The following SACS variants were observed in gnomAD, a reference collection of about 807,000 sequenced individuals.
SACS encodes the protein sacsin.
SACS carries 197 observed loss-of-function variants against 348.0 expected under a neutral mutation model. That is an observed-to-expected ratio of 0.57 (90% CI 0.50 to 0.64). The LOEUF (loss-of-function observed/expected upper bound fraction) is 0.64, where lower values mean the gene tolerates loss of function less well. Among genes scored for constraint, SACS ranks in the 30% least tolerant of loss-of-function variants. The probability of loss-of-function intolerance (pLI) is 0.00; values close to 1 mark genes in which losing one functional copy is unlikely to be tolerated. For synonymous variants in SACS, 1,985 were observed against 1,910.6 expected, an observed-to-expected ratio of 1.04 and a Z score of -1.02; for missense variants, 4,999 against 5,360.8, an observed-to-expected ratio of 0.93 and a Z score of 2.11.
Position 23,340,013 on chromosome 13 carries a change from G to T in SACS, c.3863C>A (p.Ala1288Asp). Reference protein sequence around the residue: ...VWTGKKFCPLAQAVIKPIHDL... With the variant: ...VWTGKKFCPLDQAVIKPIHDL... ...ATGGATTGGTTTAATCACAGCCTGG[G>T]CAAGTGGACAAAACTTTTTGCCAGT... The change falls in exon 10 of 10, where the codon GCC becomes GAC. Residue 1288 changes from alanine (A) to aspartate (D), a missense_variant. Physicochemically the swap from Ala to Asp is moderately radical, Grantham distance 126. Around this residue, in one of 6 missense-constraint regions of SACS, gnomAD observed 3,156 missense variants for 3,380.1 expected, o/e 0.93. Coordinates refer to ENST00000382292, the MANE Select transcript of SACS (RefSeq NM_014363.6). The T allele has an allele frequency of 6.2e-7, 1 of 1,613,606 alleles. No individual in the cohort carries two copies.
Position 23,341,669 on chromosome 13 carries a change from T to C in SACS, c.2207A>G (p.Gln736Arg). ...QTRGRPCTQL[Q>R]LLNPERFARL... ...TGCAAATCGTTCTGGATTTAGAAGC[T>C]GCAGCTGAGTACATGGTCTTCCTGT... The change falls in exon 10 of 10, where the codon CAG (glutamine) becomes CGG (arginine). Residue 736 changes from glutamine (Q) to arginine (R), a missense_variant. Gln to Arg is a conservative substitution (Grantham distance 43). This residue lies in a region of SACS where 3,156 missense variants were observed against 3,380.1 expected (regional missense o/e 0.93). Transcript: ENST00000382292. 6.2e-7 allele frequency: 1 copy of C among 1,613,016 alleles called. No individual in the cohort carries two copies. Among genetic ancestry groups the C allele is most frequent in the Non-Finnish European group, 8.5e-7 (1 of 1,179,910 alleles).
intron 5 of SACS, among the ~76,000 whole-genome samples, chr13:23,367,476 C>A (rs1307961070): frequency 6.6e-6 from 1 of 152,232 alleles, no homozygotes; most frequent in Non-Finnish European, 1.5e-5. Flanking sequence ...AAATGCATAA[C>A]AACTGGTCTA....
At chr13:23,349,616 C>G (rs1290222602) in intron 9 of SACS, among the ~76,000 whole-genome samples, 1 of 152,204 alleles carries the variant, frequency 6.6e-6, no homozygotes, top group East Asian at 1.9e-4. Flanking sequence ...AACTTGGATA[C>G]AACTCAACTG....
At chr13:23,416,579 G>T (rs1873700401) in intron 1 of SACS, among the ~76,000 whole-genome samples, 1 of 151,854 alleles carries the variant, frequency 6.6e-6, no homozygotes, top group Non-Finnish European at 1.5e-5. Flanking sequence ...CCAACTTGGT[G>T]AAACCCCGTC....
chr13:23,340,070 G>C lies in SACS; in HGVS notation c.3806C>G (p.Ser1269Cys), dbSNP rs770042555. ...MHDHLNEGKD[S>C]FRALKFPWVW... is the part of the protein sequence containing the mutation. ...CCATGGAAATTTTAAGGCTCTAAAA[G>C]AATCTTTCCCTTCATTTAGATGATC... Residue 1269 changes from serine to cysteine, a missense_variant, in exon 10 of 10, where the codon TCT (serine) becomes TGT (cysteine). Around this residue, in one of 6 missense-constraint regions of SACS, gnomAD observed 3,156 missense variants for 3,380.1 expected, o/e 0.93. Transcript: ENST00000382292. 5 of 1,614,010 alleles carry C rather than the reference G, an allele frequency of 3.1e-6. No individual in the cohort carries two copies. Among genetic ancestry groups the C allele is most frequent in the Non-Finnish European group, 4.2e-6 (5 of 1,179,986 alleles).
rs1156566314 is a variant in SACS at position 23,332,937 on chromosome 13, C to T, written c.10939G>A (p.Glu3647Lys). The change falls in exon 10 of 10, where the codon GAA becomes AAA. Residue 3647 changes from glutamate to lysine, a missense_variant. By Grantham distance (56) the Glu-to-Lys change is moderately conservative. This residue lies in a region of SACS where 831 missense variants were observed against 941.8 expected (regional missense o/e 0.88). Coordinates refer to ENST00000382292, the MANE Select transcript of SACS (RefSeq NM_014363.6). The part of the protein sequence containing the change: ...MDLLSGNFLK[E>K]LSLIPFLCPE... ...CATAAGAATGGTATTAAAGATAGTT[C>T]TTTCAGAAAATTTCCAGATAACAAA... 6.2e-7 allele frequency: 1 copy of T among 1,613,752 alleles called. No individual in the cohort carries two copies. Among genetic ancestry groups the T allele is most frequent in the Non-Finnish European group, 8.5e-7 (1 of 1,179,896 alleles).
At chr13:23,431,364 C>T (rs1440930423) in intron 1 of SACS, among the ~76,000 whole-genome samples, 3 of 152,308 alleles carry the variant, frequency 2.0e-5, no homozygotes, top group Non-Finnish European at 2.9e-5. Flanking sequence ...TATGTTCCCC[C>T]TTAGGTAGGG....
Position 23,377,405 on chromosome 13 carries a change from G to A in SACS, c.21-2136C>T, listed in dbSNP as rs193069656. Among the ~76,000 whole-genome samples, 4 of 152,252 alleles carry A rather than the reference G, an allele frequency of 2.6e-5. No individual in the cohort carries two copies. In the East Asian group the frequency reaches 5.8e-4, roughly 22 times the overall value. On this transcript the variant is annotated intron_variant, in intron 2 of 9. Coordinates refer to ENST00000382292, the MANE Select transcript of SACS (RefSeq NM_014363.6). ...TGGAATGAAAAACCTCGGTTTTTCC[G>A]TGGAGCCTGGTGGTTGGTTTGTTCA... is the stretch of plus-strand genomic sequence containing the variant.
At chr13:23,398,027 G>T (rs1872776672) in intron 2 of SACS, among the ~76,000 whole-genome samples, 1 of 147,338 alleles carries the variant, frequency 6.8e-6, no homozygotes, top group South Asian at 2.2e-4. Flanking sequence ...CCCTGTCTCT[G>T]CCAAAAATAT....
At position 23,407,889 on chromosome 13, in the gene SACS, C is replaced by T. The variant is rs1034583338; in HGVS notation, c.20+3331G>A. Among the ~76,000 whole-genome samples, 11 of 152,112 alleles carry T rather than the reference C, an allele frequency of 7.2e-5. No homozygotes were observed. In the South Asian group the frequency reaches 2.1e-3, roughly 29 times the overall value. ...GATTCCTCAACCCCACCTTGATAGCCGATCATTGTTTCAAGTCAGTTCAGC... is the reference window on the plus strand; with the variant it reads ...GATTCCTCAACCCCACCTTGATAGCTGATCATTGTTTCAAGTCAGTTCAGC... On this transcript the variant is annotated intron_variant, in intron 2 of 9. Coordinates refer to ENST00000382292, the MANE Select transcript of SACS (RefSeq NM_014363.6).
intron 1 of SACS, among the ~76,000 whole-genome samples, chr13:23,412,579 A>G (rs1234507893): frequency 6.6e-6 from 1 of 151,710 alleles, no homozygotes; most frequent in African/African-American, 2.4e-5. Flanking sequence ...ACACTCAGCT[A>G]GTTTTTGTAT....
At chr13:23,406,175 A>G (rs1873198141) in intron 2 of SACS, among the ~76,000 whole-genome samples, 1 of 152,256 alleles carries the variant, frequency 6.6e-6, no homozygotes, top group Admixed American at 6.5e-5. Flanking sequence ...TATGGCACAT[A>G]CACACAATGG....
At chr13:23,373,515 C>T in intron 3 of SACS, 1 of 153,946 alleles carries the variant, frequency 6.5e-6, no homozygotes, top group Non-Finnish European at 1.4e-5. Context: ...CAGTGGCTCA[C>T]GCCTATAATC....
chr13:23,393,823 C>T (rs573418474), intron 2 of SACS, among the ~76,000 whole-genome samples: 2 of 152,056 alleles, frequency 1.3e-5, no homozygotes, highest in African/African-American at 2.4e-5. Context: ...TGCAGTGGCA[C>T]GATCTCGGCT....
At chr13:23,347,994 T>C (rs1869721038) in intron 9 of SACS, among the ~76,000 whole-genome samples, 1 of 152,208 alleles carries the variant, frequency 6.6e-6, no homozygotes, top group Admixed American at 6.5e-5. Flanking sequence ...TCTCATCTAA[T>C]AAATAAGTAT....
At chr13:23,410,030 G>A (rs1873417612) in intron 2 of SACS, among the ~76,000 whole-genome samples, 1 of 152,078 alleles carries the variant, frequency 6.6e-6, no homozygotes, top group South Asian at 2.1e-4. Flanking sequence ...AAAGTTAAAG[G>A]AAAATGGGTT....
intron 3 of SACS, among the ~76,000 whole-genome samples, chr13:23,371,648 C>T (rs1460942260): frequency 6.6e-6 from 1 of 152,218 alleles, no homozygotes; most frequent in Non-Finnish European, 1.5e-5. Context: ...TTAAAAACAA[C>T]TGAATGTAAA....
At position 23,371,294 on chromosome 13, in the gene SACS, T is replaced by C. The variant is rs3736945; in HGVS notation, c.172-129A>G. 5.7e-3 allele frequency: 2,543 copies of C among 444,558 alleles called. 19 individuals carry two copies. Among genetic ancestry groups the C allele is most frequent in the Middle Eastern group, 0.031 (51 of 1,662 alleles). 27.5% of individuals were successfully genotyped at this position (444,558 alleles called of 1,614,324 possible). ...TCTTCTTATCATGAAGGAAGTTGTCTGGAGAAGTGAATATTCCACGGAACA... is the reference window on the plus strand; with the variant it reads ...TCTTCTTATCATGAAGGAAGTTGTCCGGAGAAGTGAATATTCCACGGAACA... On this transcript the variant is annotated intron_variant, in intron 3 of 9. Transcript: ENST00000382292.
chr13:23,428,581 G>A (rs988658320), intron 1 of SACS: 4 of 152,134 alleles, frequency 2.6e-5, no homozygotes, highest in Admixed American at 6.5e-5. Flanking sequence ...AAATATGTAC[G>A]TAAAATAGTT....
Sources: gnomAD v4.1 joint callset for allele counts (sites outside exome capture counted in the v4.1 genomes callset) on GRCh38, gnomAD v4.1.1 for gene constraint, gnomAD v4.1.1 regional missense constraint, MANE v1.5 for transcripts, NCBI Gene and HGNC (gene_info 2026-07-23, HGNC 2026-07-21) for gene names.